The following ST6GALNAC2 variants were observed in gnomAD, a reference collection of about 807,000 sequenced individuals.
The protein encoded by ST6GALNAC2 is ST6 N-acetylgalactosaminide alpha-2,6-sialyltransferase 2, also known as alpha-N-acetylgalactosaminide alpha-2,6-sialyltransferase 2.
A neutral mutation model predicts 38.7 loss-of-function variants in ST6GALNAC2; 42 were observed. The observed-to-expected ratio is 1.09, with a 90% CI of 0.85 to 1.40. ST6GALNAC2 has a LOEUF of 1.40. Ranked by LOEUF, ST6GALNAC2 falls within the 40% of genes most tolerant of loss-of-function variation. The probability of loss-of-function intolerance (pLI) is 0.00; values close to 1 mark genes in which losing one functional copy is unlikely to be tolerated. For synonymous variants in ST6GALNAC2, 233 were observed against 209.0 expected (o/e 1.11, Z -0.99); for missense variants, 506 against 481.7 (o/e 1.05, Z -0.47).
intron 2 of ST6GALNAC2, among the ~76,000 whole-genome samples, chr17:76,577,570 T>C (rs776708401): frequency 1.4e-5 from 2 of 147,740 alleles, no homozygotes; most frequent in Non-Finnish European, 3.0e-5. Context: ...CATTGGCCTC[T>C]GTATTTTTTT....
chr17:76,576,933 G>A (rs1195409623), intron 2 of ST6GALNAC2, among the ~76,000 whole-genome samples: 1 of 145,838 alleles, frequency 6.9e-6, no homozygotes, highest in Non-Finnish European at 1.5e-5. Flanking sequence ...TGGCGCCATT[G>A]CACTCCAGCC....
intron 1 of ST6GALNAC2, among the ~76,000 whole-genome samples, chr17:76,584,510 C>T (rs2075520338): frequency 6.6e-6 from 1 of 152,072 alleles, no homozygotes; most frequent in African/African-American, 2.4e-5. Context: ...GACAGGGTCT[C>T]TCTCTGTCAA....
chr17:76,566,699 TAA>T (rs55837742), intron 8 of ST6GALNAC2, among the ~76,000 whole-genome samples: 47,045 of 146,258 alleles, frequency 0.32, 7,584 homozygotes, highest in South Asian at 0.5. Flanking sequence ...CTACAAAAAG[TAA>T]AAAAAAAAAA....
At position 76,566,030 on chromosome 17, in the gene ST6GALNAC2, TA is replaced by T. The variant is rs965203963; in HGVS notation, c.*73del. 3 of 1,502,502 alleles carry T rather than the reference TA, an allele frequency of 2.0e-6. No individual in the cohort carries two copies. In the African/African-American group the frequency reaches 4.2e-5, roughly 21 times the overall value. The allele number at this position is 1,502,502 out of a possible 1,614,324, so 93.1% of individuals were successfully genotyped here. On this transcript the variant is annotated 3_prime_UTR_variant, in exon 9 of 9. Coordinates refer to ENST00000225276, the MANE Select transcript of ST6GALNAC2 (RefSeq NM_006456.3). ...CAAGGGAAGGTGAAGATTGAAAAGTTAAAAAAGCTTTTGGCCACTTGAGAGG... is the reference window on the plus strand; with the variant it reads ...CAAGGGAAGGTGAAGATTGAAAAGTTAAAAAGCTTTTGGCCACTTGAGAGG...
intron 1 of ST6GALNAC2, among the ~76,000 whole-genome samples, chr17:76,584,951 C>T (rs2075526687): frequency 6.6e-6 from 1 of 152,240 alleles, no homozygotes; most frequent in East Asian, 1.9e-4. Context: ...CTTCTTCAGT[C>T]ACCGGAACCA....
intron 1 of ST6GALNAC2, among the ~76,000 whole-genome samples, chr17:76,579,832 T>C (rs8076932): frequency 0.75 from 114,457 of 152,104 alleles, 43,378 homozygotes; most frequent in East Asian, 0.84. Flanking sequence ...ACACAGACCC[T>C]ATGACCTGGG....
In ST6GALNAC2 at chr17:76,565,406, C is replaced by CAT. The variant is rs1423329481; in HGVS notation, c.*696_*697dup. On this transcript the variant is annotated 3_prime_UTR_variant, in exon 9 of 9. Transcript: ENST00000225276. The stretch of plus-strand genomic sequence containing the variant: ...AGGATGAAGGTTTATTACCTGGTGA[C>CAT]ATCATCCTGTTGGTGACAAGGTGGT... 2 of 145,846 alleles carry CAT rather than the reference C, an allele frequency of 1.4e-5. No individual in the cohort carries two copies. The highest frequency in any genetic ancestry group is 2.9e-5 in the Non-Finnish European group (2 of 68,036). 9.0% of individuals were successfully genotyped at this position (145,846 alleles called of 1,614,324 possible).
At chr17:76,574,294 C>T in intron 3 of ST6GALNAC2, 71 bp downstream of exon 3, 2 of 1,547,930 alleles carry the variant, frequency 1.3e-6, no homozygotes, top group Non-Finnish European at 1.8e-6. Context: ...GCAGAGAGGC[C>T]TGGCCTACTT....
chr17:76,570,286 C>G (rs2075338462), intron 6 of ST6GALNAC2: 1 of 447,300 alleles, frequency 2.2e-6, no homozygotes, highest in East Asian at 4.2e-5. Flanking sequence ...CCTGCTCACC[C>G]CATTCAGAAG....
chr17:76,566,095 G>A lies in ST6GALNAC2; in HGVS notation c.*9C>T. 1.2e-6 allele frequency: 2 copies of A among 1,612,922 alleles called. No homozygotes were observed. The highest frequency in any genetic ancestry group is 1.7e-6 in the Non-Finnish European group (2 of 1,179,366). ...CTCTTGAAGAAGCAAAGGGCTCAGTGCATTGGGGTCAGCGCTGGTACAGCT... is the reference window on the plus strand; with the variant it reads ...CTCTTGAAGAAGCAAAGGGCTCAGTACATTGGGGTCAGCGCTGGTACAGCT... On this transcript the variant is annotated 3_prime_UTR_variant, in exon 9 of 9. Transcript: ENST00000225276.
intron 7 of ST6GALNAC2, chr17:76,568,431 T>G: frequency 2.4e-6 from 1 of 417,140 alleles, no homozygotes. Flanking sequence ...CTGTGCACCT[T>G]ATGGTCCCAG....
intron 8 of ST6GALNAC2, among the ~76,000 whole-genome samples, chr17:76,566,488 C>T (rs3785442): frequency 0.28 from 42,547 of 151,922 alleles, 6,050 homozygotes; most frequent in South Asian, 0.42. Flanking sequence ...GGATTTGGAA[C>T]TCAAGGGTGG....
chr17:76,570,471 T>TA, intron 6 of ST6GALNAC2, 94 bp downstream of exon 6: 1 of 809,872 alleles, frequency 1.2e-6, no homozygotes, highest in Non-Finnish European at 2.0e-6. Flanking sequence ...CACCTCCTCT[T>TA]ACCCCATGAT....
At chr17:76,569,647 A>C (rs1286620819) in intron 6 of ST6GALNAC2, 4 of 396,264 alleles carry the variant, frequency 1.0e-5, no homozygotes, top group Non-Finnish European at 1.8e-5. Context: ...AGGGGAGCTC[A>C]TTGGTGTTGG....
intron 5 of ST6GALNAC2, among the ~76,000 whole-genome samples, chr17:76,572,253 G>A (rs1337328087): frequency 6.6e-6 from 1 of 152,108 alleles, no homozygotes; most frequent in African/African-American, 2.4e-5. Context: ...AAGAATGCCA[G>A]CTCTCGAGGT....
rs1370036312 is a variant in ST6GALNAC2 at position 76,578,817 on chromosome 17, C to G, written c.126-1G>C. The stretch of plus-strand genomic sequence containing the variant: ...GAATGCTTCAAATGATGTGGTGTCC[C>G]TGGGGGAAAAAGCAGAAAAAAGCAG... On this transcript the variant is annotated splice_acceptor_variant, in intron 1 of 8. Transcript: ENST00000225276. LOFTEE classifies it high-confidence loss of function. 5 of 1,613,024 alleles carry G rather than the reference C, an allele frequency of 3.1e-6. No homozygotes were observed. Among genetic ancestry groups the G allele is most frequent in the Non-Finnish European group, 4.2e-6 (5 of 1,179,634 alleles).
At position 76,573,159 on chromosome 17, in the gene ST6GALNAC2, T is replaced by TCCCACCCCCCCC; in HGVS notation, c.530+35_530+36insGGGGGGGGTGGG. The TCCCACCCCCCCC allele has an allele frequency of 1.3e-6, 2 of 1,530,316 alleles. No individual in the cohort carries two copies. The highest frequency in any genetic ancestry group is 1.8e-6 in the Non-Finnish European group (2 of 1,120,824). 94.8% of individuals were successfully genotyped at this position (1,530,316 alleles called of 1,614,324 possible). On this transcript the variant is annotated intron_variant, in intron 4 of 8. Transcript: ENST00000225276. This position sits in a 1 kb window ranked among gnomAD's most constrained non-coding sequence, Gnocchi z 5.1. ...GACACCCCCACCCTCCAGGCAACTC[T>TCCCACCCCCCCC]CCCTCCCGCCCCTCCCCAGCTCCTA... is the stretch of plus-strand genomic sequence containing the variant.
chr17:76,571,805 C>T (rs771220117), intron 5 of ST6GALNAC2, among the ~76,000 whole-genome samples: 29 of 152,260 alleles, frequency 1.9e-4, no homozygotes, highest in South Asian at 1.9e-3. Flanking sequence ...CTGTGGCACC[C>T]ACAGCCCCTG....
chr17:76,568,546 TA>T (rs2075312421), intron 7 of ST6GALNAC2, 166 bp downstream of exon 7: 5 of 653,332 alleles, frequency 7.7e-6, no homozygotes, highest in Non-Finnish European at 1.1e-5. Context: ...AGGTGCTAAA[TA>T]AAACAGTAAA....
Sources: allele counts gnomAD v4.1 joint callset (sites outside exome capture counted in the v4.1 genomes callset), GRCh38; gene constraint gnomAD v4.1.1; non-coding constraint Gnocchi (gnomAD v3.1); transcripts MANE v1.5; gene names NCBI Gene and HGNC (gene_info 2026-07-23, HGNC 2026-07-21).